METAP1D: variants seen among roughly 807,000 people sequenced by gnomAD.
METAP1D encodes the protein methionine aminopeptidase 1D, mitochondrial.
In METAP1D, 31 loss-of-function variants were observed where a neutral mutation model predicts 40.5. The ratio of observed to expected loss-of-function variants is 0.77; its 90% confidence interval spans 0.58 to 1.03. The LOEUF is 1.03. METAP1D is among the 50% of genes least tolerant of loss of function. The probability of loss-of-function intolerance (pLI) is 0.00; values close to 1 mark genes in which losing one functional copy is unlikely to be tolerated. For missense variants in METAP1D, 411 were observed against 420.7 expected (o/e 0.98, Z 0.20); for synonymous variants, 151 against 146.4 (o/e 1.03, Z -0.22).
chr2:172,052,447 T>C lies in METAP1D; in HGVS notation c.41-9051T>C, dbSNP rs186791943. 3.1e-3 allele frequency among the ~76,000 whole-genome samples: 474 copies of C among 152,332 alleles called. 2 individuals are homozygous for C. Among genetic ancestry groups the C allele is most frequent in the African/African-American group, 0.01 (434 of 41,568 alleles). On this transcript the variant is annotated intron_variant, in intron 1 of 9. Transcript: ENST00000315796. ...AAGTTCAATTGGAAGACCTTGTCTG[T>C]GCAAATAGATTTCAAAATAGAGCCT... is the stretch of plus-strand genomic sequence containing the variant.
At chr2:172,032,151 C>G (rs1166151407) in intron 1 of METAP1D, among the ~76,000 whole-genome samples, 1 of 152,138 alleles carries the variant, frequency 6.6e-6, no homozygotes, top group Non-Finnish European at 1.5e-5. Context: ...AGTTTTTCCC[C>G]CTTTAAATTG....
intron 1 of METAP1D, among the ~76,000 whole-genome samples, chr2:172,041,726 TTATATATA>T (rs67708838): frequency 0.082 from 3,079 of 37,508 alleles, 437 homozygotes; most frequent in South Asian, 0.16. Context: ...TCTAATTATT[TTATATATA>T]TATATATATA....
intron 1 of METAP1D, among the ~76,000 whole-genome samples, chr2:172,004,479 A>G (rs1052651323): frequency 6.6e-6 from 1 of 152,008 alleles, no homozygotes; most frequent in Non-Finnish European, 1.5e-5. Context: ...ATCCGCCGCC[A>G]TGCCCGGCTA....
chr2:172,061,255 C>T (rs917585328), intron 1 of METAP1D, among the ~76,000 whole-genome samples: 6 of 152,050 alleles, frequency 3.9e-5, no homozygotes, highest in Non-Finnish European at 7.4e-5. Flanking sequence ...GTTTGTTTCC[C>T]GTTAGAGTAG....
chr2:172,052,388 G>A (rs1318386729), intron 1 of METAP1D, among the ~76,000 whole-genome samples: 1 of 152,162 alleles, frequency 6.6e-6, no homozygotes, highest in Non-Finnish European at 1.5e-5. Context: ...AAGCATCTGG[G>A]GAAAAGGAGG....
At chr2:172,053,077 G>A (rs1211619244) in intron 1 of METAP1D, among the ~76,000 whole-genome samples, 1 of 152,234 alleles carries the variant, frequency 6.6e-6, no homozygotes, top group Non-Finnish European at 1.5e-5. Context: ...CAATAAAAGA[G>A]TTATATCAAG....
chr2:172,041,739 T>C (rs1301140324), intron 1 of METAP1D, among the ~76,000 whole-genome samples: 1 of 78,002 alleles, frequency 1.3e-5, no homozygotes, highest in African/African-American at 4.0e-5. Context: ...TATATATATA[T>C]ATATATATAT....
At chr2:172,020,122 G>T (rs970732047) in intron 1 of METAP1D, among the ~76,000 whole-genome samples, 5 of 152,182 alleles carry the variant, frequency 3.3e-5, no homozygotes, top group African/African-American at 1.2e-4. Context: ...AGGTAGCTGG[G>T]ACTACAGGCG....
At chr2:172,068,109 C>T (rs115169562) in intron 5 of METAP1D, among the ~76,000 whole-genome samples, 2,628 of 152,294 alleles carry the variant, frequency 0.017, 73 homozygotes, top group South Asian at 0.11. Context: ...AAGGGCCAGG[C>T]GCAGTGGCTC....
intron 1 of METAP1D, among the ~76,000 whole-genome samples, chr2:172,010,908 C>A (rs186491042): frequency 6.6e-6 from 1 of 151,898 alleles, no homozygotes; most frequent in African/African-American, 2.4e-5. Flanking sequence ...GTACATGCCA[C>A]CACACCTGGC....
chr2:172,042,109 A>G lies in METAP1D; in HGVS notation c.41-19389A>G, dbSNP rs1024955299. Among the ~76,000 whole-genome samples, 5 of 124,090 alleles carry G rather than the reference A, an allele frequency of 4.0e-5. 1 individual carries two copies. The highest frequency in any genetic ancestry group is 5.6e-5 in the Non-Finnish European group (3 of 53,678). The allele number at this position is 124,090 out of a possible 152,430, so 81.4% of individuals were successfully genotyped here. ...AGCCACTGTGCCTGGCCAGAAATAT[A>G]TATTTTTTCATTTTAAAAAATATAT... On this transcript the variant is annotated intron_variant, in intron 1 of 9. Transcript: ENST00000315796.
At chr2:172,050,505 A>T (rs970451357) in intron 1 of METAP1D, among the ~76,000 whole-genome samples, 1 of 152,084 alleles carries the variant, frequency 6.6e-6, no homozygotes, top group Non-Finnish European at 1.5e-5. Flanking sequence ...TGTGATTCCT[A>T]TGAAATTGCT....
intron 5 of METAP1D, 88 bp from the exon 6 acceptor site, chr2:172,070,819 T>C: frequency 9.3e-7 from 1 of 1,076,602 alleles, no homozygotes; most frequent in Non-Finnish European, 1.3e-6. Flanking sequence ...AACATGAGTC[T>C]ACTAAATACA....
Position 172,070,653 on chromosome 2 carries a change from G to T in METAP1D, c.541-254G>T, listed in dbSNP as rs150403917. ...GGAATCAAAATATTACAGTAGTATT[G>T]TTCATCATAATGCTGAAATAACCAT... On this transcript the variant is annotated intron_variant, in intron 5 of 9. Coordinates refer to ENST00000315796, the MANE Select transcript of METAP1D (RefSeq NM_199227.3). The T allele has an allele frequency of 3.0e-3, 531 of 176,830 alleles. 3 individuals are homozygous for T. Among genetic ancestry groups the T allele is most frequent in the African/African-American group, 0.012 (504 of 42,270 alleles). 11.0% of individuals were successfully genotyped at this position (176,830 alleles called of 1,614,324 possible).
chr2:172,037,455 A>G (rs1391810074), intron 1 of METAP1D, among the ~76,000 whole-genome samples: 3 of 22,292 alleles, frequency 1.3e-4, no homozygotes, highest in Admixed American at 8.2e-4. Flanking sequence ...GCATTTTTGT[A>G]CCTTTTTCAC....
At chr2:172,002,014 C>G (rs1574081091) in intron 1 of METAP1D, among the ~76,000 whole-genome samples, 1 of 145,244 alleles carries the variant, frequency 6.9e-6, no homozygotes, top group Middle Eastern at 3.6e-3. Flanking sequence ...GAGGGATCGC[C>G]TGAACCCAGG....
At chr2:172,019,358 C>T (rs1688955025) in intron 1 of METAP1D, among the ~76,000 whole-genome samples, 1 of 152,062 alleles carries the variant, frequency 6.6e-6, no homozygotes, top group South Asian at 2.1e-4. Flanking sequence ...TTCTAGAAAA[C>T]TATTAATAAT....
Position 172,080,165 on chromosome 2 carries a change from C to T in METAP1D, c.888C>T (p.Val296=). ...IITEGSPEFK[V]LEDAWTVVSL... ...CGGAGGGATCCCCTGAATTTAAAGT[C>T]CTGGAGGATGCATGGACTGTGGTCT... Residue 296 remains valine, a synonymous_variant, in exon 9 of 10, where the codon GTC becomes GTT. Coordinates refer to ENST00000315796, the MANE Select transcript of METAP1D (RefSeq NM_199227.3). 2 of 1,614,212 alleles carry T rather than the reference C, an allele frequency of 1.2e-6. No homozygotes were observed. Among genetic ancestry groups the T allele is most frequent in the Non-Finnish European group, 1.7e-6 (2 of 1,180,030 alleles).
intron 1 of METAP1D, among the ~76,000 whole-genome samples, chr2:172,048,851 C>T (rs910795281): frequency 2.6e-5 from 4 of 152,118 alleles, no homozygotes; most frequent in African/African-American, 9.7e-5. Flanking sequence ...TGTGAATAAT[C>T]TTGGTGTTGG....
Sources: allele counts gnomAD v4.1 joint callset (sites outside exome capture counted in the v4.1 genomes callset), GRCh38; gene constraint gnomAD v4.1.1; transcripts MANE v1.5; gene names NCBI Gene and HGNC (gene_info 2026-07-23, HGNC 2026-07-21).